The following ZNF568 variants were observed in gnomAD, a reference collection of about 807,000 sequenced individuals.
ZNF568 encodes zinc finger protein 568.
Under a neutral mutation model 18.1 loss-of-function variants are expected in ZNF568, and 11 were observed. That is an observed-to-expected ratio of 0.61 (90% CI 0.38 to 1.00). The LOEUF (loss-of-function observed/expected upper bound fraction) is 1.00, where lower values mean the gene tolerates loss of function less well. Ranked by LOEUF, ZNF568 falls within the 50% of genes least tolerant of loss-of-function variation. The pLI, the probability that ZNF568 is intolerant of heterozygous loss-of-function variation, is 0.01. For missense variants in ZNF568, 639 were observed against 768.2 expected (o/e 0.83, Z 1.99); for synonymous variants, 213 against 246.6 (o/e 0.86, Z 1.28).
At chr19:36,960,570 A>G (rs1012722088) in intron 6 of ZNF568, among the ~76,000 whole-genome samples, 11 of 151,882 alleles carry the variant, frequency 7.2e-5, no homozygotes, top group African/African-American at 2.2e-4. Flanking sequence ...ACCATGTAAA[A>G]ATACAAAAAT....
At chr19:36,988,337 G>A (rs1372834545) in intron 2 of ZNF568, among the ~76,000 whole-genome samples, 1 of 152,086 alleles carries the variant, frequency 6.6e-6, no homozygotes, top group Non-Finnish European at 1.5e-5. Flanking sequence ...CCTGAGACTG[G>A]GGATTTTATA....
chr19:36,921,321 C>T (rs1185588083), intron 2 of ZNF568, among the ~76,000 whole-genome samples: 3 of 151,968 alleles, frequency 2.0e-5, no homozygotes, highest in African/African-American at 7.3e-5. Context: ...ATTAGCCGGG[C>T]GTGGTGGCGC....
chr19:36,928,804 G>A (rs2073629422), intron 4 of ZNF568, among the ~76,000 whole-genome samples: 1 of 152,124 alleles, frequency 6.6e-6, no homozygotes. Flanking sequence ...TGTATGTGGT[G>A]TACATGGGAG....
At position 36,916,810 on chromosome 19, in the gene ZNF568, G is replaced by A. The variant is rs899623138; in HGVS notation, c.-256+219G>A. On this transcript the variant is annotated intron_variant, in intron 1 of 6. Coordinates refer to ENST00000333987, the MANE Select transcript of ZNF568 (RefSeq NM_198539.4). The surrounding 1 kb of genome is among the most constrained non-coding windows in gnomAD (Gnocchi z 5.3). ...GTGCGTGATTGTAATATGTCTAGTA[G>A]TTCTTGTCTTGAGCTGGCTTTTCTG... Among the ~76,000 whole-genome samples, 1 of 152,156 alleles carries A rather than the reference G, an allele frequency of 6.6e-6. No individual in the cohort carries two copies. The highest frequency in any genetic ancestry group is 2.4e-5 in the African/African-American group (1 of 41,434).
At chr19:36,980,122 A>T (rs559702875), downstream of ZNF568, 6 of 152,088 alleles carry the variant, frequency 3.9e-5, no homozygotes, top group African/African-American at 1.4e-4. Context: ...CATTTCTTAA[A>T]TATTGTGGAT....
chr19:36,988,540 G>C (rs185660050), intron 2 of ZNF568, among the ~76,000 whole-genome samples: 1 of 152,260 alleles, frequency 6.6e-6, no homozygotes, highest in African/African-American at 2.4e-5. Context: ...TAAACAGCCA[G>C]ATCTCGTCAG....
At chr19:36,989,698 G>A (rs1215410857) in intron 2 of ZNF568, among the ~76,000 whole-genome samples, 2 of 152,148 alleles carry the variant, frequency 1.3e-5, no homozygotes, top group Non-Finnish European at 2.9e-5. Flanking sequence ...GGGACTGCAG[G>A]TACATGCCAC....
intron 1 of ZNF568, among the ~76,000 whole-genome samples, chr19:36,917,258 G>C (rs2073357412): frequency 6.6e-6 from 1 of 152,204 alleles, no homozygotes; most frequent in Non-Finnish European, 1.5e-5. Context: ...TTTGTTGCCA[G>C]GGCATGCTCT....
chr19:36,935,729 C>T (rs927111804), intron 4 of ZNF568, among the ~76,000 whole-genome samples: 2 of 151,956 alleles, frequency 1.3e-5, no homozygotes, highest in Admixed American at 6.5e-5. Context: ...ATAAAATGTC[C>T]TTTAGTAACA....
At chr19:36,994,287 A>G (rs893175983) in intron 4 of ZNF568, among the ~76,000 whole-genome samples, 1 of 152,066 alleles carries the variant, frequency 6.6e-6, no homozygotes, top group African/African-American at 2.4e-5. Context: ...TGTGATTTCA[A>G]TCCTCTTACA....
chr19:36,946,143 TG>T (rs1388742418), intron 6 of ZNF568, among the ~76,000 whole-genome samples: 1 of 151,872 alleles, frequency 6.6e-6, no homozygotes, highest in Non-Finnish European at 1.5e-5. Flanking sequence ...CTAATAAAAA[TG>T]GTTATCTATA....
intron 2 of ZNF568, among the ~76,000 whole-genome samples, chr19:36,919,860 T>C (rs1273905354): frequency 6.6e-6 from 1 of 152,212 alleles, no homozygotes; most frequent in Admixed American, 6.5e-5. Context: ...CTGCCAGTCA[T>C]ATAAAAGTAT....
chr19:36,936,463 A>T (rs937960930), intron 4 of ZNF568, among the ~76,000 whole-genome samples: 1 of 152,122 alleles, frequency 6.6e-6, no homozygotes, highest in African/African-American at 2.4e-5. Context: ...TTCTCTCTTT[A>T]TCTCTGGTTT....
intron 7 of ZNF568, chr19:36,976,374 CTA>C (rs1044032331): frequency 6.6e-6 from 1 of 152,098 alleles, no homozygotes; most frequent in African/African-American, 2.4e-5. Flanking sequence ...ACAGGTATGA[CTA>C]TATTTCATTA....
intron 6 of ZNF568, among the ~76,000 whole-genome samples, chr19:36,958,677 G>A (rs1312491351): frequency 8.3e-6 from 1 of 120,936 alleles, no homozygotes; most frequent in African/African-American, 3.3e-5. Context: ...GGAGTACTGT[G>A]GCACAATCTT....
In ZNF568 at chr19:36,992,013, C is replaced by T. The variant is rs7252797; in HGVS notation, c.229+167C>T. On this transcript the variant is annotated intron_variant, in intron 4 of 4. Coordinates refer to the ZNF568 transcript ENST00000433993. ...ATCCCAGCAGTTTGGGAGGCTGAGG[C>T]GGGCAGATCACAAGGTCAGGAGTTC... 0.2 allele frequency among the ~76,000 whole-genome samples: 30,738 copies of T among 151,814 alleles called. 3,429 individuals are homozygous for T. Among genetic ancestry groups the T allele is most frequent in the African/African-American group, 0.29 (12,145 of 41,360 alleles).
downstream of ZNF568, among the ~76,000 whole-genome samples, chr19:36,957,675 CAAAG>C (rs1470978650): frequency 1.3e-5 from 2 of 152,174 alleles, no homozygotes; most frequent in Admixed American, 6.5e-5. Flanking sequence ...ACTTGAGAAA[CAAAG>C]AAGATGGATA....
Position 36,950,312 on chromosome 19 carries a change from G to A in ZNF568, c.1159G>A (p.Glu387Lys). ...VTLHMRSHTG[E>K]KPYKCNKCGK... ...GCTACATATGAGAAGTCACACAGGG[G>A]AGAAACCCTATAAATGTAATAAATG... is the stretch of plus-strand genomic sequence containing the variant. The change falls in exon 7 of 7, where the codon GAG becomes AAG. Residue 387 changes from glutamate to lysine, a missense_variant. Coordinates refer to ENST00000333987, the MANE Select transcript of ZNF568 (RefSeq NM_198539.4). The A allele has an allele frequency of 6.2e-7, 1 of 1,614,038 alleles. No individual in the cohort carries two copies. Among genetic ancestry groups the A allele is most frequent in the East Asian group, 2.2e-5 (1 of 44,862 alleles).
intron 6 of ZNF568, among the ~76,000 whole-genome samples, chr19:36,939,054 A>T (rs2073835673): frequency 6.6e-6 from 1 of 152,172 alleles, no homozygotes. Flanking sequence ...CTGAGTTGGT[A>T]AGAAGTCTCT....
Sources: allele counts gnomAD v4.1 joint callset (sites outside exome capture counted in the v4.1 genomes callset), GRCh38; gene constraint gnomAD v4.1.1; non-coding constraint Gnocchi (gnomAD v3.1); transcripts MANE v1.5; gene names NCBI Gene and HGNC (gene_info 2026-07-23, HGNC 2026-07-21).